TRAK1: variants seen among roughly 807,000 people sequenced by gnomAD.
TRAK1 encodes the protein trafficking kinesin-binding protein 1.
Under a neutral mutation model 92.1 loss-of-function variants are expected in TRAK1, and 33 were observed. The observed-to-expected ratio is 0.36, with a 90% CI of 0.27 to 0.48. The LOEUF (loss-of-function observed/expected upper bound fraction) is 0.48, where lower values mean the gene tolerates loss of function less well. TRAK1 is among the 20% of genes least tolerant of loss of function. TRAK1 has a pLI of 0.99. For missense variants in TRAK1, 1,123 were observed against 1,257.9 expected (o/e 0.89, Z 1.62); for synonymous variants, 521 against 517.3 (o/e 1.01, Z -0.10).
At chr3:42,086,399 C>T (rs1481680912), upstream of TRAK1, among the ~76,000 whole-genome samples, 3 of 151,236 alleles carry the variant, frequency 2.0e-5, no homozygotes, top group Admixed American at 6.6e-5. Context: ...TCTGCCTCCC[C>T]GGTTCAAGCA....
At chr3:42,018,637 C>T (rs1239179492) in intron 1 of TRAK1, among the ~76,000 whole-genome samples, 2 of 152,046 alleles carry the variant, frequency 1.3e-5, no homozygotes, top group South Asian at 2.1e-4. Flanking sequence ...TTGACATTTT[C>T]GAAAAGTATC....
chr3:42,141,474 C>T (rs894570377), intron 2 of TRAK1, among the ~76,000 whole-genome samples: 4 of 152,158 alleles, frequency 2.6e-5, no homozygotes, highest in African/African-American at 9.7e-5. Flanking sequence ...AATACGATCT[C>T]AGCAGCTGTG....
intron 2 of TRAK1, among the ~76,000 whole-genome samples, chr3:42,157,544 G>A (rs1388683064): frequency 1.4e-5 from 2 of 145,680 alleles, no homozygotes; most frequent in African/African-American, 5.1e-5. Flanking sequence ...CTGAGAAGAT[G>A]CACTGAAGAG....
upstream of TRAK1, among the ~76,000 whole-genome samples, chr3:42,086,134 C>T (rs906964454): frequency 2.0e-5 from 3 of 152,140 alleles, no homozygotes; most frequent in South Asian, 2.1e-4. Context: ...GTTGAGGCAG[C>T]GGCACTCCTG....
Position 42,201,179 on chromosome 3 carries a change from C to A in TRAK1, c.1427+125C>A, listed in dbSNP as rs115934833. The A allele has an allele frequency of 1.4e-3, 1,548 of 1,076,552 alleles. 14 individuals carry two copies. In the African/African-American group the frequency reaches 0.022, roughly 15 times the overall value. The allele number at this position is 1,076,552 out of a possible 1,614,324, so 66.7% of individuals were successfully genotyped here. ...AGTCACCTGAAAAATACAGACCTGG[C>A]CGGGCGTGGTGGCTCGCGCCTATAA... On this transcript the variant is annotated intron_variant, in intron 12 of 15. Transcript: ENST00000327628.
chr3:42,041,522 A>G (rs1702538668), intron 1 of TRAK1, among the ~76,000 whole-genome samples: 1 of 151,134 alleles, frequency 6.6e-6, no homozygotes, highest in South Asian at 2.1e-4. Context: ...CGGGTTCCTT[A>G]GGACTTTCTA....
At chr3:42,027,294 C>T (rs9867307) in intron 1 of TRAK1, among the ~76,000 whole-genome samples, 97,609 of 151,880 alleles carry the variant, frequency 0.64, 32,481 homozygotes, top group East Asian at 0.78. Flanking sequence ...GAGGCCGAGA[C>T]GGGCGGATCA....
chr3:42,191,701 G>A (rs564693774), intron 7 of TRAK1, 65 bp downstream of exon 7: 31 of 1,526,188 alleles, frequency 2.0e-5, no homozygotes, highest in East Asian at 7.4e-5. Flanking sequence ...ACAGATTTGC[G>A]TCAGCCTTGC....
At position 42,067,693 on chromosome 3, in the gene TRAK1, A is replaced by T. The variant is rs563429073; in HGVS notation, c.-518-19411A>T. 1.1e-4 allele frequency among the ~76,000 whole-genome samples: 17 copies of T among 152,242 alleles called. No homozygotes were observed. In the South Asian group the frequency reaches 3.3e-3, roughly 30 times the overall value. On this transcript the variant is annotated intron_variant, in intron 1 of 16. Coordinates refer to the TRAK1 transcript ENST00000487159. ...CTGTCATTCTGTAGTGTTAGTCAGG[A>T]AGCCCCTCACACACTTTCTTCTCAT...
At chr3:42,015,925 T>C (rs1701505308) in intron 1 of TRAK1, among the ~76,000 whole-genome samples, 2 of 151,974 alleles carry the variant, frequency 1.3e-5, no homozygotes, top group South Asian at 4.1e-4. Context: ...TAATCCCAGC[T>C]ACTAAGGAGG....
intron 3 of TRAK1, among the ~76,000 whole-genome samples, chr3:42,179,649 G>A (rs954392934): frequency 1.3e-5 from 2 of 152,196 alleles, no homozygotes; most frequent in African/African-American, 4.8e-5. Flanking sequence ...GTGTCAGTCA[G>A]TGCAAGAGTT....
intron 2 of TRAK1, chr3:42,145,863 A>G (rs747931236): frequency 1.9e-4 from 48 of 251,144 alleles, no homozygotes; most frequent in Non-Finnish European, 2.7e-4. Context: ...CCCTTTTCCC[A>G]GTAGGGACAA....
chr3:42,131,800 G>A lies in TRAK1; in HGVS notation c.286+6186G>A, dbSNP rs536038468. ...TGGCCAGGCGTGGTGGCTCACGCCT[G>A]TAATCCCATCACTTTAGGAGGCCAA... On this transcript the variant is annotated intron_variant, in intron 2 of 15. Coordinates refer to ENST00000327628, the MANE Select transcript of TRAK1 (RefSeq NM_001042646.3). 8.6e-5 allele frequency among the ~76,000 whole-genome samples: 13 copies of A among 151,604 alleles called. No homozygotes were observed. The East Asian group carries it at 2.5e-3, about 29-fold the overall frequency.
intron 1 of TRAK1, among the ~76,000 whole-genome samples, chr3:42,124,058 A>G (rs1710252994): frequency 6.6e-6 from 1 of 151,906 alleles, no homozygotes; most frequent in Non-Finnish European, 1.5e-5. Flanking sequence ...GGAATGCTTG[A>G]GGATCGGAGG....
chr3:42,066,638 T>C (rs1483545360), intron 1 of TRAK1, among the ~76,000 whole-genome samples: 2 of 152,166 alleles, frequency 1.3e-5, no homozygotes, highest in Admixed American at 1.3e-4. Context: ...ATGCATGCAG[T>C]TTGTAGCCTG....
At chr3:42,176,688 C>T (rs1332507273) in intron 2 of TRAK1, 126 bp from the exon 3 acceptor site, 3 of 809,202 alleles carry the variant, frequency 3.7e-6, no homozygotes, top group Non-Finnish European at 6.3e-6. Flanking sequence ...CGGGTTGAAC[C>T]CAGCGAGCCA....
At chr3:42,194,405 GCT>G (rs763428640) in intron 9 of TRAK1, among the ~76,000 whole-genome samples, 28 of 149,208 alleles carry the variant, frequency 1.9e-4, no homozygotes, top group South Asian at 2.1e-4. Flanking sequence ...CCTAATTTTT[GCT>G]TTTTTTTTTT....
chr3:42,222,710 C>G (rs749165215), intron 15 of TRAK1, among the ~76,000 whole-genome samples: 4 of 152,154 alleles, frequency 2.6e-5, no homozygotes, highest in Non-Finnish European at 5.9e-5. Flanking sequence ...ACCCACCAAC[C>G]AGGGATGGGC....
intron 14 of TRAK1, chr3:42,218,849 A>C (rs886459367): frequency 1.0e-6 from 1 of 985,266 alleles, no homozygotes; most frequent in Non-Finnish European, 1.2e-6. Flanking sequence ...GTCAGACCAG[A>C]CCTGATCCTG....
Sources: allele counts gnomAD v4.1 joint callset (sites outside exome capture counted in the v4.1 genomes callset), GRCh38; gene constraint gnomAD v4.1.1; transcripts MANE v1.5; gene names NCBI Gene and HGNC (gene_info 2026-07-23, HGNC 2026-07-21).